The following AGAP1 variants were observed in gnomAD, a reference collection of about 807,000 sequenced individuals.
The protein encoded by AGAP1 is arf-GAP with GTPase, ANK repeat and PH domain-containing protein 1.
Under a neutral mutation model 105.3 loss-of-function variants are expected in AGAP1, and 29 were observed. The ratio of observed to expected loss-of-function variants is 0.28; its 90% CI spans 0.21 to 0.38. AGAP1 has a LOEUF of 0.38. Ranked by LOEUF, AGAP1 falls within the 10% of genes least tolerant of loss-of-function variation. The pLI is 1.00. For synonymous variants in AGAP1, 509 were observed against 485.9 expected (o/e 1.05, Z -0.63); for missense variants, 998 against 1,165.1 (o/e 0.86, Z 2.09).
At chr2:236,108,184 G>A (rs10182019) in intron 16 of AGAP1, among the ~76,000 whole-genome samples, 3,942 of 152,334 alleles carry the variant, frequency 0.026, 194 homozygotes, top group African/African-American at 0.088. Context: ...GCATGCAAGG[G>A]GGAGGCAGCT....
At position 236,052,381 on chromosome 2, in the gene AGAP1, C is replaced by T. The variant is rs372819562; in HGVS notation, c.2114+3100C>T. On this transcript the variant is annotated intron_variant, in intron 16 of 17. Coordinates refer to ENST00000304032, the MANE Select transcript of AGAP1 (RefSeq NM_001037131.3). ...GGGAAGTAGAACACAGCAGATCTTC[C>T]TCCAAAGAGACCGCCGCACACTGGA... Among the ~76,000 whole-genome samples the T allele has an allele frequency of 2.6e-5, 4 of 152,280 alleles. No individual in the cohort carries two copies. In the South Asian group the frequency reaches 6.2e-4, roughly 24 times the overall value.
At chr2:235,885,437 C>T (rs1189941900) in intron 10 of AGAP1, among the ~76,000 whole-genome samples, 1 of 152,234 alleles carries the variant, frequency 6.6e-6, no homozygotes, top group African/African-American at 2.4e-5. Flanking sequence ...GTTTATCTCT[C>T]TGTCCCCTTG....
Position 236,061,058 on chromosome 2 carries a change from G to A in AGAP1, c.2114+11777G>A, listed in dbSNP as rs1054174122. On this transcript the variant is annotated intron_variant, in intron 16 of 17. Transcript: ENST00000304032. This position sits in a 1 kb window ranked among gnomAD's most constrained non-coding sequence, Gnocchi z 4.1. ...AGCCTGGATAACAGAACAAGACCTCGTCTGAAAAATAAAATAAGTAAAAAA... is the reference window on the plus strand; with the variant it reads ...AGCCTGGATAACAGAACAAGACCTCATCTGAAAAATAAAATAAGTAAAAAA... 3.9e-5 allele frequency among the ~76,000 whole-genome samples: 6 copies of A among 152,096 alleles called. No homozygotes were observed. The highest frequency in any genetic ancestry group is 4.1e-4 in the South Asian group (2 of 4,822).
intron 16 of AGAP1, among the ~76,000 whole-genome samples, chr2:236,063,221 C>G (rs944450920): frequency 6.6e-6 from 1 of 152,122 alleles, no homozygotes; most frequent in Non-Finnish European, 1.5e-5. Context: ...AGCCTCCCAC[C>G]TGGGATTACA....
rs947735903 is a variant in AGAP1, at chr2:235,961,345, C to T, written c.1484-7117C>T. 5.3e-5 allele frequency among the ~76,000 whole-genome samples: 8 copies of T among 152,326 alleles called. No individual in the cohort carries two copies. Among genetic ancestry groups the T allele is most frequent in the Middle Eastern group, 3.4e-3 (1 of 294 alleles). On this transcript the variant is annotated intron_variant, in intron 12 of 17. Coordinates refer to ENST00000304032, the MANE Select transcript of AGAP1 (RefSeq NM_001037131.3). This position sits in a 1 kb window ranked among gnomAD's most constrained non-coding sequence, Gnocchi z 5.9. ...CTAGCAGAACCCCTCCACACGGCTCCCCGTCTAAGGCGGCAGGGATGAGCT... is the reference window on the plus strand; with the variant it reads ...CTAGCAGAACCCCTCCACACGGCTCTCCGTCTAAGGCGGCAGGGATGAGCT...
At chr2:235,540,117 GTT>G (rs1559234316) in intron 1 of AGAP1, among the ~76,000 whole-genome samples, 1 of 146,328 alleles carries the variant, frequency 6.8e-6, no homozygotes, top group Non-Finnish European at 1.5e-5. Context: ...CTCTCAATCC[GTT>G]TGTTTTTTTC....
In AGAP1 at chr2:235,712,719, T is replaced by C. The variant is rs1324610752; in HGVS notation, c.222+3482T>C. On this transcript the variant is annotated intron_variant, in intron 2 of 17. Coordinates refer to ENST00000304032, the MANE Select transcript of AGAP1 (RefSeq NM_001037131.3). This position sits in a 1 kb window ranked among gnomAD's most constrained non-coding sequence, Gnocchi z 6.0. Reference sequence around the variant, plus strand: ...ACAGACGGTGACCCCTGCACAGAGGTTGACAGTGGCAACCTCTTCCTGCCT... The same window carrying C: ...ACAGACGGTGACCCCTGCACAGAGGCTGACAGTGGCAACCTCTTCCTGCCT... 6.6e-6 allele frequency among the ~76,000 whole-genome samples: 1 copy of C among 152,110 alleles called. No individual in the cohort carries two copies. Among genetic ancestry groups the C allele is most frequent in the Non-Finnish European group, 1.5e-5 (1 of 68,014 alleles).
At position 235,906,449 on chromosome 2, in the gene AGAP1, C is replaced by A. The variant is rs946382610; in HGVS notation, c.1156-2289C>A. Among the ~76,000 whole-genome samples the A allele has an allele frequency of 2.6e-5, 4 of 152,168 alleles. No homozygotes were observed. The highest frequency in any genetic ancestry group is 9.6e-5 in the African/African-American group (4 of 41,454). On this transcript the variant is annotated intron_variant, in intron 10 of 17. Transcript: ENST00000304032. This position sits in a 1 kb window ranked among gnomAD's most constrained non-coding sequence, Gnocchi z 5.3. ...GGGGTCACCAGGGACCCTGAAACATCTTGTCCCTCTGGGGCTGATGTAGGG... is the reference window on the plus strand; with the variant it reads ...GGGGTCACCAGGGACCCTGAAACATATTGTCCCTCTGGGGCTGATGTAGGG...
At chr2:235,939,678 C>T (rs1468936898) in intron 12 of AGAP1, among the ~76,000 whole-genome samples, 1 of 152,178 alleles carries the variant, frequency 6.6e-6, no homozygotes, top group African/African-American at 2.4e-5. Flanking sequence ...CCCAGGAGCA[C>T]CCCTTGGTTC....
rs935107089 is a variant in AGAP1, at chr2:235,882,477, T to A, written c.1051-868T>A. ...ATTGAAGCTGGCGATTCCCCCCACG[T>A]CTGGTTTGTCTGCCATTTTCTTAAA... On this transcript the variant is annotated intron_variant, in intron 9 of 17. Coordinates refer to ENST00000304032, the MANE Select transcript of AGAP1 (RefSeq NM_001037131.3). The surrounding 1 kb of genome is among the most constrained non-coding windows in gnomAD (Gnocchi z 4.6). 2.6e-6 allele frequency: 4 copies of A among 1,558,574 alleles called. No homozygotes were observed. The African/African-American group carries it at 5.4e-5, about 21-fold the overall frequency.
In AGAP1 at chr2:235,621,914, C is replaced by CT. The variant is rs2149271899; in HGVS notation, c.164-87264dup. On this transcript the variant is annotated intron_variant, in intron 1 of 17. Transcript: ENST00000304032. This position sits in a 1 kb window ranked among gnomAD's most constrained non-coding sequence, Gnocchi z 4.1. ...AGTGCCGCGCAGACCCCCCCACCCCCTCAGAACAGCGGCCACTGTGTGGAT... is the reference window on the plus strand; with the variant it reads ...AGTGCCGCGCAGACCCCCCCACCCCCTTCAGAACAGCGGCCACTGTGTGGAT... Among the ~76,000 whole-genome samples the CT allele has an allele frequency of 6.6e-6, 1 of 152,226 alleles. No individual in the cohort carries two copies. The highest frequency in any genetic ancestry group is 6.5e-5 in the Admixed American group (1 of 15,294).
At chr2:236,025,359 C>G (rs966383721) in intron 13 of AGAP1, among the ~76,000 whole-genome samples, 1 of 152,092 alleles carries the variant, frequency 6.6e-6, no homozygotes, top group Non-Finnish European at 1.5e-5. Context: ...CATTTTTAAT[C>G]TAGTTGCTCA....
rs1380747586 is a variant in AGAP1 at position 236,104,153 on chromosome 2, G to A, written c.2115-16039G>A. Among the ~76,000 whole-genome samples the A allele has an allele frequency of 6.6e-6, 1 of 152,208 alleles. No homozygotes were observed. The highest frequency in any genetic ancestry group is 2.4e-5 in the African/African-American group (1 of 41,430). The stretch of plus-strand genomic sequence containing the variant: ...CCCCAGGAGCCCCGCAAGGCGGGAG[G>A]CCTGTGTAAAGGCCTGCAGGAAGAG... On this transcript the variant is annotated intron_variant, in intron 16 of 17. Transcript: ENST00000304032. This position sits in a 1 kb window ranked among gnomAD's most constrained non-coding sequence, Gnocchi z 4.7.
In AGAP1 at chr2:235,799,943, G is replaced by A. The variant is rs149037227; in HGVS notation, c.957+421G>A. 9.2e-5 allele frequency among the ~76,000 whole-genome samples: 14 copies of A among 151,950 alleles called. No homozygotes were observed. The highest frequency in any genetic ancestry group is 5.9e-4 in the Admixed American group (9 of 15,250). ...TGCTGGGGTGCCTGGCGCTGCCCTC[G>A]GGGTGGAGGTGGGGGACTGGGAGGT... On this transcript the variant is annotated intron_variant, in intron 8 of 17. Transcript: ENST00000304032. This position sits in a 1 kb window ranked among gnomAD's most constrained non-coding sequence, Gnocchi z 5.0.
At chr2:235,915,386 C>T (rs984847627) in intron 11 of AGAP1, among the ~76,000 whole-genome samples, 6 of 152,132 alleles carry the variant, frequency 3.9e-5, no homozygotes, top group African/African-American at 1.2e-4. Flanking sequence ...ACAGAGAGCA[C>T]GTGTTTGGCC....
rs10587179 is a variant in AGAP1, at chr2:235,636,115, G to GTAAATAAATAAATAAA, written c.164-73039_164-73024dup. 3.8e-3 allele frequency among the ~76,000 whole-genome samples: 544 copies of GTAAATAAATAAATAAA among 144,050 alleles called. 5 individuals carry two copies. Among genetic ancestry groups the GTAAATAAATAAATAAA allele is most frequent in the African/African-American group, 0.012 (471 of 38,508 alleles). 94.5% of individuals were successfully genotyped at this position (144,050 alleles called of 152,430 possible). ...GCAACAAGAGCGAGACTCTGTCTCA[G>GTAAATAAATAAATAAA]TAAATAAATAAATAAATAAATAAAT... is the stretch of plus-strand genomic sequence containing the variant. On this transcript the variant is annotated intron_variant, in intron 1 of 17. Coordinates refer to ENST00000304032, the MANE Select transcript of AGAP1 (RefSeq NM_001037131.3).
At chr2:235,554,263 G>A (rs1943903575) in intron 1 of AGAP1, among the ~76,000 whole-genome samples, 1 of 152,330 alleles carries the variant, frequency 6.6e-6, no homozygotes, top group South Asian at 2.1e-4. Context: ...GCAGAGAGTG[G>A]CCTGCTTAGC....
rs2060004832 is a variant in AGAP1 at position 236,126,383 on chromosome 2, G to A, written c.*2261G>A. On this transcript the variant is annotated 3_prime_UTR_variant, in exon 18 of 18. Coordinates refer to ENST00000304032, the MANE Select transcript of AGAP1 (RefSeq NM_001037131.3). Reference sequence around the variant, plus strand: ...AGACTCTGTAGTGGACACAGATATAGCATAAATGAAATTGTTAAATTATTT... The same window carrying A: ...AGACTCTGTAGTGGACACAGATATAACATAAATGAAATTGTTAAATTATTT... 6.6e-6 allele frequency: 1 copy of A among 152,176 alleles called. No individual in the cohort carries two copies. The highest frequency in any genetic ancestry group is 2.1e-4 in the South Asian group (1 of 4,818). The allele number at this position is 152,176 out of a possible 1,614,324, so 9.4% of individuals were successfully genotyped here.
intron 2 of AGAP1, among the ~76,000 whole-genome samples, chr2:235,717,017 C>T (rs1423917091): frequency 6.6e-6 from 1 of 152,148 alleles, no homozygotes; most frequent in Non-Finnish European, 1.5e-5. Flanking sequence ...GTGCCCTCCT[C>T]GCCTGTGTGG....
Sources: gnomAD v4.1 joint callset for allele counts (sites outside exome capture counted in the v4.1 genomes callset) on GRCh38, gnomAD v4.1.1 for gene constraint, Gnocchi (gnomAD v3.1) non-coding constraint, MANE v1.5 for transcripts, NCBI Gene and HGNC (gene_info 2026-07-23, HGNC 2026-07-21) for gene names.